Variants in TTC7B observed in about 807,000 individuals in gnomAD.
TTC7B encodes tetratricopeptide repeat protein 7B.
Under a neutral mutation model 106.8 loss-of-function variants are expected in TTC7B, and 28 were observed. The ratio of observed to expected loss-of-function variants is 0.26; its 90% CI spans 0.19 to 0.36. The LOEUF is 0.36. Ranked by LOEUF, TTC7B falls within the 10% of genes least tolerant of loss-of-function variation. The probability of loss-of-function intolerance (pLI) is 1.00; values close to 1 mark genes in which losing one functional copy is unlikely to be tolerated. For synonymous variants in TTC7B, 405 were observed against 430.6 expected (o/e 0.94, Z 0.74); for missense variants, 862 against 1,076.4 (o/e 0.80, Z 2.79).
chr14:90,748,329 A>G (rs1312913969), intron 3 of TTC7B, among the ~76,000 whole-genome samples: 2 of 151,868 alleles, frequency 1.3e-5, no homozygotes, highest in African/African-American at 2.4e-5. Context: ...GGCATAGTCT[A>G]CTTTGTTTTG....
intron 1 of TTC7B, among the ~76,000 whole-genome samples, chr14:90,796,405 C>T (rs150646108): frequency 1.3e-5 from 2 of 152,262 alleles, no homozygotes; most frequent in East Asian, 3.9e-4. Context: ...AATGAGCCAC[C>T]CTGCAGGGGG....
At chr14:90,696,271 A>G (rs768227362) in intron 5 of TTC7B, among the ~76,000 whole-genome samples, 2 of 152,124 alleles carry the variant, frequency 1.3e-5, no homozygotes, top group Non-Finnish European at 2.9e-5. Flanking sequence ...TTAAGAGACA[A>G]ATAATTATTT....
rs1335086614 is a variant in TTC7B, at chr14:90,577,264, A to G, written c.2310+842T>C. Among the ~76,000 whole-genome samples the G allele has an allele frequency of 6.6e-6, 1 of 152,244 alleles. No homozygotes were observed. Among genetic ancestry groups the G allele is most frequent in the Non-Finnish European group, 1.5e-5 (1 of 68,032 alleles). On this transcript the variant is annotated intron_variant, in intron 19 of 19. Transcript: ENST00000328459. This position sits in a 1 kb window ranked among gnomAD's most constrained non-coding sequence, Gnocchi z 5.0. ...TGGCACGGCTTTTCACAAGCTCCTC[A>G]GACCCTGGTAACTTGTGAGTTTCAA...
intron 1 of TTC7B, 65 bp downstream of exon 1, chr14:90,816,110 G>T: frequency 1.0e-6 from 1 of 983,564 alleles, no homozygotes; most frequent in Non-Finnish European, 1.2e-6. Context: ...GCCGCGCCTC[G>T]GGGGCCCGTT....
rs1248806228 is a variant in TTC7B at position 90,802,141 on chromosome 14, T to C, written c.121+14034A>G. Among the ~76,000 whole-genome samples the C allele has an allele frequency of 6.6e-6, 1 of 151,746 alleles. No individual in the cohort carries two copies. The highest frequency in any genetic ancestry group is 2.4e-5 in the African/African-American group (1 of 41,300). Reference sequence around the variant, plus strand: ...AAGATCACAGACTAGCCATTAGACCTGGCAGCACACGGGCCACATCAGAGG... The same window carrying C: ...AAGATCACAGACTAGCCATTAGACCCGGCAGCACACGGGCCACATCAGAGG... On this transcript the variant is annotated intron_variant, in intron 1 of 19. Coordinates refer to ENST00000328459, the MANE Select transcript of TTC7B (RefSeq NM_001010854.2). This position sits in a 1 kb window ranked among gnomAD's most constrained non-coding sequence, Gnocchi z 4.7.
intron 3 of TTC7B, among the ~76,000 whole-genome samples, chr14:90,760,643 A>T (rs72695510): frequency 0.042 from 6,347 of 152,294 alleles, 172 homozygotes; most frequent in Non-Finnish European, 0.058. Flanking sequence ...TGTCATCGGC[A>T]TCCCTCCACC....
At chr14:90,813,698 T>C (rs1331312314) in intron 1 of TTC7B, among the ~76,000 whole-genome samples, 1 of 149,592 alleles carries the variant, frequency 6.7e-6, no homozygotes, top group Non-Finnish European at 1.5e-5. Context: ...CGCCTGTGGT[T>C]GTTTTCATGG....
At chr14:90,558,269 C>T (rs186592284) in intron 19 of TTC7B, among the ~76,000 whole-genome samples, 30 of 152,326 alleles carry the variant, frequency 2.0e-4, no homozygotes, top group Non-Finnish European at 3.7e-4. Flanking sequence ...AGGTAAGCCC[C>T]GTCTAGATCT....
chr14:90,769,177 T>C (rs1890782865), intron 3 of TTC7B, among the ~76,000 whole-genome samples: 1 of 151,632 alleles, frequency 6.6e-6, no homozygotes. Context: ...AGCTAGCAAA[T>C]ATACACAAAA....
intron 5 of TTC7B, among the ~76,000 whole-genome samples, chr14:90,708,145 C>CAAAAA (rs56260414): frequency 2.3e-4 from 14 of 61,278 alleles, no homozygotes; most frequent in East Asian, 1.6e-3. Flanking sequence ...GACTCCATCT[C>CAAAAA]AAAAAAAAAA....
chr14:90,658,621 C>T (rs919924949), intron 9 of TTC7B, among the ~76,000 whole-genome samples: 2 of 152,224 alleles, frequency 1.3e-5, no homozygotes, highest in Non-Finnish European at 2.9e-5. Context: ...CAATCCCTGC[C>T]CTCGAGTAGC....
At chr14:90,664,418 C>T (rs1366816356) in intron 9 of TTC7B, among the ~76,000 whole-genome samples, 3 of 151,984 alleles carry the variant, frequency 2.0e-5, no homozygotes, top group East Asian at 1.9e-4. Context: ...TACAGGTGCC[C>T]GCCACCAGGC....
chr14:90,709,019 T>G (rs1397048608), intron 5 of TTC7B, among the ~76,000 whole-genome samples: 1 of 151,092 alleles, frequency 6.6e-6, no homozygotes, highest in Non-Finnish European at 1.5e-5. Context: ...TGGCGATCAT[T>G]AAAAAGTCAG....
At chr14:90,803,522 C>T (rs1358638426) in intron 1 of TTC7B, among the ~76,000 whole-genome samples, 4 of 152,302 alleles carry the variant, frequency 2.6e-5, no homozygotes, top group Admixed American at 2.0e-4. Context: ...CCTCCCGACT[C>T]CCATAACTCT....
chr14:90,555,410 G>T (rs574429995), intron 19 of TTC7B, among the ~76,000 whole-genome samples: 1 of 152,138 alleles, frequency 6.6e-6, no homozygotes, highest in African/African-American at 2.4e-5. Flanking sequence ...CCTAGGGAAG[G>T]GGGGGGTGTT....
intron 5 of TTC7B, among the ~76,000 whole-genome samples, chr14:90,726,760 C>T (rs1303329389): frequency 6.6e-6 from 1 of 152,174 alleles, no homozygotes; most frequent in Middle Eastern, 3.2e-3. Flanking sequence ...CCCTCAGAGG[C>T]GGCAATCCTG....
intron 6 of TTC7B, among the ~76,000 whole-genome samples, chr14:90,692,004 A>T (rs771798768): frequency 2.6e-5 from 4 of 152,216 alleles, no homozygotes; most frequent in African/African-American, 9.6e-5. Flanking sequence ...CTTAGCATAA[A>T]GTTTTCAAGG....
At chr14:90,704,970 A>T (rs1034463092) in intron 5 of TTC7B, among the ~76,000 whole-genome samples, 2 of 152,354 alleles carry the variant, frequency 1.3e-5, no homozygotes, top group African/African-American at 4.8e-5. Context: ...GCACATCAGC[A>T]GAGCAAACAT....
intron 3 of TTC7B, among the ~76,000 whole-genome samples, chr14:90,780,341 A>G (rs1427185504): frequency 2.6e-5 from 4 of 151,776 alleles, no homozygotes; most frequent in African/African-American, 9.7e-5. Flanking sequence ...AGATCACACC[A>G]TTGCACTCCA....
Sources: gnomAD v4.1 joint callset for allele counts (sites outside exome capture counted in the v4.1 genomes callset) on GRCh38, gnomAD v4.1.1 for gene constraint, Gnocchi (gnomAD v3.1) non-coding constraint, MANE v1.5 for transcripts, NCBI Gene and HGNC (gene_info 2026-07-23, HGNC 2026-07-21) for gene names.